The following MOV10L1 variants were observed in gnomAD, a reference collection of about 807,000 sequenced individuals.
MOV10L1 encodes the protein RNA helicase Mov10l1.
MOV10L1 carries 110 observed loss-of-function variants against 143.8 expected under a neutral mutation model. That is an observed-to-expected ratio of 0.76 (90% confidence interval 0.66 to 0.90). MOV10L1 has a LOEUF of 0.90. Ranked by LOEUF, MOV10L1 falls within the 40% of genes least tolerant of loss-of-function variation. The pLI is 0.00. For synonymous variants in MOV10L1, 593 were observed against 581.1 expected (o/e 1.02, Z -0.29); for missense variants, 1,406 against 1,526.8 (o/e 0.92, Z 1.32).
At chr22:50,120,355 C>G (rs2062303987) in intron 9 of MOV10L1, 147 bp from the exon 10 acceptor site, 1 of 605,370 alleles carries the variant, frequency 1.7e-6, no homozygotes, top group East Asian at 2.8e-5. Context: ...AAACCACTGC[C>G]TTAGACCAGC....
intron 9 of MOV10L1, 53 bp from the exon 10 acceptor site, chr22:50,120,449 G>A: frequency 2.6e-6 from 3 of 1,133,714 alleles, no homozygotes; most frequent in Non-Finnish European, 4.0e-6. Flanking sequence ...AGAATGTCTA[G>A]TGATACCTGG....
Position 50,125,488 on chromosome 22 carries a change from G to C in MOV10L1, c.1666G>C (p.Gly556Arg). 6.2e-7 allele frequency: 1 copy of C among 1,614,180 alleles called. No individual in the cohort carries two copies. The highest frequency in any genetic ancestry group is 1.7e-5 in the Admixed American group (1 of 60,020). Residue 556 changes from glycine to arginine, a missense_variant, in exon 11 of 27, where the codon GGG becomes CGG. Transcript: ENST00000262794. ...GGAACTGAAAGAGTATAACATGAGCGGGATCATCTTAAGAAGGAATGGGGA... is the reference window on the plus strand; with the variant it reads ...GGAACTGAAAGAGTATAACATGAGCCGGATCATCTTAAGAAGGAATGGGGA... The part of the protein sequence containing the change: ...EMELKEYNMS[G>R]IILRRNGDLL...
intron 5 of MOV10L1, among the ~76,000 whole-genome samples, chr22:50,113,200 CT>C (rs2062070567): frequency 6.6e-6 from 1 of 152,158 alleles, no homozygotes; most frequent in Non-Finnish European, 1.5e-5. Context: ...AAGAGAAAAA[CT>C]TCTCATTTCA....
At chr22:50,117,114 C>G (rs753991063) in intron 8 of MOV10L1, 43 bp from the exon 9 acceptor site, 1 of 1,565,328 alleles carries the variant, frequency 6.4e-7, no homozygotes. Context: ...GACTGCCTAT[C>G]TTATTTATGA....
chr22:50,139,052 A>G (rs1440424843), intron 15 of MOV10L1, among the ~76,000 whole-genome samples: 1 of 151,678 alleles, frequency 6.6e-6, no homozygotes, highest in Non-Finnish European at 1.5e-5. Flanking sequence ...AACATTAGGG[A>G]TACATCTGAC....
Position 50,134,026 on chromosome 22 carries a change from C to T in MOV10L1, c.1930C>T (p.His644Tyr). 6.2e-7 allele frequency: 1 copy of T among 1,612,100 alleles called. No individual in the cohort carries two copies. ...CTGCAGGACCACAAGCAGACGGTGT[C>T]ACTTTGCACTTGAACACGTCATCCA... ...TYNRTTSRRCHFALEHVIHLG... is the reference protein window; with the variant it reads ...TYNRTTSRRCYFALEHVIHLG... The change falls in exon 14 of 27, where the codon CAC (histidine) becomes TAC (tyrosine). Residue 644 changes from histidine to tyrosine, a missense_variant. By Grantham distance (83) the His-to-Tyr change is moderately conservative (BLOSUM62 2). Coordinates refer to ENST00000262794, the MANE Select transcript of MOV10L1 (RefSeq NM_018995.3).
chr22:50,134,156 C>A, intron 14 of MOV10L1, 91 bp downstream of exon 14: 2 of 985,272 alleles, frequency 2.0e-6, no homozygotes, highest in South Asian at 1.7e-5. Flanking sequence ...TCTCTTCAGT[C>A]ATAATATTAG....
chr22:50,093,214 A>T (rs1203635930), intron 2 of MOV10L1: 1 of 151,932 alleles, frequency 6.6e-6, no homozygotes, highest in Non-Finnish European at 1.5e-5. Flanking sequence ...TGTTTTTTCT[A>T]TGAATTATTT....
rs114175998 is a variant in MOV10L1, at chr22:50,090,258, A to G, written c.97+73A>G. ...TCGGCCACGAGGGAGCCGCGCCCAT[A>G]GGTCTTTGAGTGCAGTGCGGGCCGG... is the stretch of plus-strand genomic sequence containing the variant. On this transcript the variant is annotated intron_variant, in intron 1 of 26. Coordinates refer to ENST00000262794, the MANE Select transcript of MOV10L1 (RefSeq NM_018995.3). 527 of 1,416,612 alleles carry G rather than the reference A, an allele frequency of 3.7e-4. 2 individuals are homozygous for G. The African/African-American group carries it at 7.5e-3, about 20-fold the overall frequency. The allele number at this position is 1,416,612 out of a possible 1,614,324, so 87.8% of individuals were successfully genotyped here.
chr22:50,148,219 G>A (rs2063203453), intron 19 of MOV10L1, among the ~76,000 whole-genome samples: 1 of 152,222 alleles, frequency 6.6e-6, no homozygotes, highest in Admixed American at 6.5e-5. Flanking sequence ...GCTTCCTCAG[G>A]CATCAGGACA....
chr22:50,113,542 T>C, intron 5 of MOV10L1, 106 bp from the exon 6 acceptor site: 1 of 1,446,826 alleles, frequency 6.9e-7, no homozygotes. Context: ...TGTGGTGAGG[T>C]GGTCCTCTGA....
At chr22:50,106,733 G>A (rs1384943161) in intron 3 of MOV10L1, among the ~76,000 whole-genome samples, 2 of 135,782 alleles carry the variant, frequency 1.5e-5, no homozygotes, top group Admixed American at 8.3e-5. Context: ...ACGGAATCTC[G>A]CTCTGTTGCC....
At chr22:50,090,809 G>A (rs528434993) in intron 1 of MOV10L1, 6 of 344,838 alleles carry the variant, frequency 1.7e-5, no homozygotes, top group East Asian at 1.4e-4. Context: ...CCCGAGCAGC[G>A]GGGATTATAG....
chr22:50,161,043 A>C lies in MOV10L1; in HGVS notation c.3542A>C (p.Gln1181Pro), dbSNP rs147087173. Residue 1181 changes from glutamine (Q) to proline (P), a missense_variant, in exon 26 of 27, where the codon CAG (glutamine) becomes CCG (proline). Gln to Pro is a moderately conservative substitution (Grantham distance 76, BLOSUM62 -1). Around this residue, in one of 3 missense-constraint regions of MOV10L1, gnomAD observed 1,233 missense variants for 1,351.4 expected, o/e 0.91. Coordinates refer to ENST00000262794, the MANE Select transcript of MOV10L1 (RefSeq NM_018995.3). ...YMGCDLPPAL[Q>P]SLQNCGEGVA... ...GGATGCGATTTACCTCCTGCACTGC[A>C]GTCTCTGCAAAAGTGAGCGCTTCTG... The C allele has an allele frequency of 1.9e-6, 3 of 1,614,068 alleles. No individual in the cohort carries two copies. Among genetic ancestry groups the C allele is most frequent in the African/African-American group, 2.7e-5 (2 of 75,050 alleles).
At chr22:50,098,732 G>C (rs776152298) in intron 2 of MOV10L1, among the ~76,000 whole-genome samples, 5 of 152,178 alleles carry the variant, frequency 3.3e-5, no homozygotes, top group Non-Finnish European at 7.3e-5. Context: ...GTAAGCATGG[G>C]CATCCTTGCC....
chr22:50,124,582 T>G (rs751363144), intron 10 of MOV10L1, among the ~76,000 whole-genome samples: 2 of 152,222 alleles, frequency 1.3e-5, no homozygotes, highest in Non-Finnish European at 2.9e-5. Flanking sequence ...CTTTCTGCCC[T>G]CCCACTTTCC....
At chr22:50,116,193 CTTTT>C (rs111406730) in intron 8 of MOV10L1, among the ~76,000 whole-genome samples, 1 of 139,744 alleles carries the variant, frequency 7.2e-6, no homozygotes, top group Admixed American at 7.2e-5. Flanking sequence ...AGCTTCAATG[CTTTT>C]TTTTTTTTTT....
chr22:50,146,909 C>T (rs1047046315), intron 19 of MOV10L1: 29 of 674,634 alleles, frequency 4.3e-5, no homozygotes, highest in African/African-American at 4.0e-4. Context: ...CAAAATCCAC[C>T]ATGTATTTTA....
At chr22:50,155,674 C>G (rs2063407591) in intron 22 of MOV10L1, among the ~76,000 whole-genome samples, 1 of 152,196 alleles carries the variant, frequency 6.6e-6, no homozygotes, top group South Asian at 2.1e-4. Context: ...CGGGGTTTCA[C>G]CATGTTGGCC....
Sources: allele counts gnomAD v4.1 joint callset (sites outside exome capture counted in the v4.1 genomes callset), GRCh38; gene constraint gnomAD v4.1.1; regional missense constraint gnomAD v4.1.1; transcripts MANE v1.5; gene names NCBI Gene and HGNC (gene_info 2026-07-23, HGNC 2026-07-21).